The following DERA variants were observed in gnomAD, a reference collection of about 807,000 sequenced individuals.
DERA encodes the protein 2-deoxy-D-ribose 5-phosphate aldolase.
In DERA, 15 loss-of-function variants were observed where a neutral mutation model predicts 41.1. That is an observed-to-expected ratio of 0.37 (90% CI 0.24 to 0.56). The LOEUF is 0.56. Ranked by LOEUF, DERA falls within the 20% of genes least tolerant of loss-of-function variation. DERA has a pLI of 0.81. For missense variants in DERA, 396 were observed against 403.4 expected, an observed-to-expected ratio of 0.98 and a Z score of 0.16; for synonymous variants, 139 against 137.4, an observed-to-expected ratio of 1.01 and a Z score of -0.08.
rs1948733413 is a variant in DERA at position 15,981,617 on chromosome 12, GAAAT to G, written c.509-686_509-683del. On this transcript the variant is annotated intron_variant, in intron 5 of 8. Transcript: ENST00000428559. The surrounding 1 kb of genome is among the most constrained non-coding windows in gnomAD (Gnocchi z 6.1). ...AAATGTTACCTTGAATATGAAATAT[GAAAT>G]AAATCTGGGCCCAATGTGGAACCCT... Among the ~76,000 whole-genome samples, 1 of 152,208 alleles carries G rather than the reference GAAAT, an allele frequency of 6.6e-6. No individual in the cohort carries two copies. The highest frequency in any genetic ancestry group is 2.4e-5 in the African/African-American group (1 of 41,456).
chr12:16,036,740 G>T lies in DERA; in HGVS notation c.951G>T (p.Met317Ile), dbSNP rs776421336. ...ATGCAGCTTATCATGATCTTCCAAT[G>T]TCTTAAATCAGTCACCAGTTCCAGA... ...GRYAAYHDLP[M>I]S Residue 317 changes from methionine (M) to isoleucine (I), a missense_variant, in exon 9 of 9, where the codon ATG (methionine) becomes ATT (isoleucine). Physicochemically the swap from Met to Ile is conservative, Grantham distance 10 (BLOSUM62 1). Transcript: ENST00000428559. The surrounding 1 kb of genome is among the most constrained non-coding windows in gnomAD (Gnocchi z 4.9). 6.3e-7 allele frequency: 1 copy of T among 1,592,080 alleles called. No individual in the cohort carries two copies. The highest frequency in any genetic ancestry group is 8.5e-7 in the Non-Finnish European group (1 of 1,172,310).
intron 1 of DERA, among the ~76,000 whole-genome samples, chr12:15,945,705 G>T (rs1057421051): frequency 6.6e-6 from 1 of 152,108 alleles, no homozygotes; most frequent in Admixed American, 6.5e-5. Context: ...TTTTCTAATT[G>T]AATACCCTTT....
At chr12:15,979,427 C>T (rs1948718840) in intron 5 of DERA, among the ~76,000 whole-genome samples, 2 of 152,232 alleles carry the variant, frequency 1.3e-5, no homozygotes, top group South Asian at 2.1e-4. Context: ...ACTATTCTTT[C>T]ATCTTTGCCT....
At chr12:15,953,832 T>A (rs558510106) in intron 1 of DERA, among the ~76,000 whole-genome samples, 93 of 152,306 alleles carry the variant, frequency 6.1e-4, no homozygotes, top group Non-Finnish European at 1.2e-3. Flanking sequence ...CATGGGTTAT[T>A]TGATGAAATT....
chr12:16,015,888 T>A (rs573796365), intron 6 of DERA, among the ~76,000 whole-genome samples: 1 of 152,384 alleles, frequency 6.6e-6, no homozygotes, highest in Non-Finnish European at 1.5e-5. Flanking sequence ...TAGGCAATTT[T>A]TTTTCCTCCT....
At position 16,026,746 on chromosome 12, in the gene DERA, A is replaced by G. The variant is rs1435097064; in HGVS notation, c.638-5796A>G. ...ATTCTGCCAAACATTTAAGGAAGATATAATACCAGTCTTCTACAATCTCTT... is the reference window on the plus strand; with the variant it reads ...ATTCTGCCAAACATTTAAGGAAGATGTAATACCAGTCTTCTACAATCTCTT... On this transcript the variant is annotated intron_variant, in intron 6 of 8. Transcript: ENST00000428559. The surrounding 1 kb of genome is among the most constrained non-coding windows in gnomAD (Gnocchi z 4.4). Among the ~76,000 whole-genome samples, 1 of 152,084 alleles carries G rather than the reference A, an allele frequency of 6.6e-6. No homozygotes were observed. Among genetic ancestry groups the G allele is most frequent in the Non-Finnish European group, 1.5e-5 (1 of 67,994 alleles).
In DERA at chr12:16,022,000, ACTGT is replaced by A. The variant is rs1485535024; in HGVS notation, c.638-10541_638-10538del. 5.3e-5 allele frequency among the ~76,000 whole-genome samples: 8 copies of A among 152,204 alleles called. No individual in the cohort carries two copies. Among genetic ancestry groups the A allele is most frequent in the African/African-American group, 1.9e-4 (8 of 41,448 alleles). On this transcript the variant is annotated intron_variant, in intron 6 of 8. Transcript: ENST00000428559. This position sits in a 1 kb window ranked among gnomAD's most constrained non-coding sequence, Gnocchi z 5.3. ...TTTGCAGAACTGTTGACAGGGTATT[ACTGT>A]GTTTTGCAATGTGAAAAGGACATGA...
chr12:15,983,497 C>T lies in DERA; in HGVS notation c.637+1061C>T, dbSNP rs963191079. Among the ~76,000 whole-genome samples, 1 of 152,154 alleles carries T rather than the reference C, an allele frequency of 6.6e-6. No individual in the cohort carries two copies. Among genetic ancestry groups the T allele is most frequent in the African/African-American group, 2.4e-5 (1 of 41,432 alleles). ...ATCTTGGGGTTCAGCACAGGTACCA[C>T]CTTTTTCAGGAATTATTTCCCCTGA... is the stretch of plus-strand genomic sequence containing the variant. On this transcript the variant is annotated intron_variant, in intron 6 of 8. Transcript: ENST00000428559. This position sits in a 1 kb window ranked among gnomAD's most constrained non-coding sequence, Gnocchi z 6.2.
At chr12:15,975,033 T>C (rs992833628) in intron 5 of DERA, among the ~76,000 whole-genome samples, 3 of 152,308 alleles carry the variant, frequency 2.0e-5, no homozygotes, top group South Asian at 4.1e-4. Context: ...GATTTGGCCA[T>C]TGGGAGTGTA....
chr12:15,968,549 C>T (rs1253578733), intron 5 of DERA, among the ~76,000 whole-genome samples: 2 of 152,208 alleles, frequency 1.3e-5, no homozygotes, highest in Admixed American at 1.3e-4. Flanking sequence ...GAAGGGAGGA[C>T]AGTACTGGGA....
rs952523298 is a variant in DERA, at chr12:16,017,790, C to T, written c.638-14752C>T. 2.0e-5 allele frequency among the ~76,000 whole-genome samples: 3 copies of T among 152,170 alleles called. No individual in the cohort carries two copies. The highest frequency in any genetic ancestry group is 2.9e-5 in the Non-Finnish European group (2 of 68,026). On this transcript the variant is annotated intron_variant, in intron 6 of 8. Transcript: ENST00000428559. The surrounding 1 kb of genome is among the most constrained non-coding windows in gnomAD (Gnocchi z 5.5). Reference sequence around the variant, plus strand: ...ACGAAACTCTCTTTCTAACTTTAATCGGTAATTTCTCAGCAATAGAAAACA... The same window carrying T: ...ACGAAACTCTCTTTCTAACTTTAATTGGTAATTTCTCAGCAATAGAAAACA...
rs1489036758 is a variant in DERA, at chr12:15,924,992, G to T, written c.31+13578G>T. Among the ~76,000 whole-genome samples the T allele has an allele frequency of 6.6e-6, 1 of 152,202 alleles. No individual in the cohort carries two copies. The highest frequency in any genetic ancestry group is 1.5e-5 in the Non-Finnish European group (1 of 68,040). On this transcript the variant is annotated intron_variant, in intron 1 of 8. Transcript: ENST00000428559. This position sits in a 1 kb window ranked among gnomAD's most constrained non-coding sequence, Gnocchi z 5.0. ...AATGTGAAGACTTGTTTTCATCAGT[G>T]TTTGTTGAATGAATAAGGAAGCATT... is the stretch of plus-strand genomic sequence containing the variant.
chr12:15,949,618 A>G (rs1305526754), intron 1 of DERA, among the ~76,000 whole-genome samples: 1 of 152,090 alleles, frequency 6.6e-6, no homozygotes, highest in African/African-American at 2.4e-5. Context: ...TTGGCTAGGG[A>G]GGGGAATTCC....
intron 1 of DERA, among the ~76,000 whole-genome samples, chr12:15,933,848 C>T (rs1157351390): frequency 6.6e-6 from 1 of 152,156 alleles, no homozygotes; most frequent in Non-Finnish European, 1.5e-5. Context: ...AGAGTTGGAG[C>T]TGGAATCCAG....
At chr12:15,945,935 C>G (rs1445947220) in intron 1 of DERA, among the ~76,000 whole-genome samples, 1 of 152,166 alleles carries the variant, frequency 6.6e-6, no homozygotes, top group Non-Finnish European at 1.5e-5. Context: ...GAATTTTTAG[C>G]AAGAAGGGCT....
Position 15,967,032 on chromosome 12 carries a change from C to A in DERA, c.508+4085C>A, listed in dbSNP as rs772883122. On this transcript the variant is annotated intron_variant, in intron 5 of 8. Transcript: ENST00000428559. This position sits in a 1 kb window ranked among gnomAD's most constrained non-coding sequence, Gnocchi z 4.9. ...AAATATCACTGACCCTTGACAAAATCAGAGAAATATAGCTATTTTGGAAAT... is the reference window on the plus strand; with the variant it reads ...AAATATCACTGACCCTTGACAAAATAAGAGAAATATAGCTATTTTGGAAAT... Among the ~76,000 whole-genome samples the A allele has an allele frequency of 1.3e-4, 20 of 152,010 alleles. No homozygotes were observed. The highest frequency in any genetic ancestry group is 7.4e-5 in the Non-Finnish European group (5 of 68,016).
At chr12:15,973,298 A>G (rs1592028203) in intron 5 of DERA, among the ~76,000 whole-genome samples, 2 of 152,156 alleles carry the variant, frequency 1.3e-5, no homozygotes, top group Non-Finnish European at 2.9e-5. Context: ...ACATTTATTA[A>G]TAGGTTTTTA....
chr12:16,022,088 A>T (rs1339312939), intron 6 of DERA, among the ~76,000 whole-genome samples: 1 of 152,236 alleles, frequency 6.6e-6, no homozygotes, highest in Non-Finnish European at 1.5e-5. Flanking sequence ...TCCCAATCTC[A>T]TGTTAAAATG....
intron 5 of DERA, among the ~76,000 whole-genome samples, chr12:15,979,750 G>A (rs1032444515): frequency 2.6e-5 from 4 of 152,218 alleles, no homozygotes; most frequent in African/African-American, 9.6e-5. Context: ...ACCACTTGCA[G>A]TTCATTCTGT....
Sources: allele counts gnomAD v4.1 joint callset (sites outside exome capture counted in the v4.1 genomes callset), GRCh38; gene constraint gnomAD v4.1.1; non-coding constraint Gnocchi (gnomAD v3.1); transcripts MANE v1.5; gene names NCBI Gene and HGNC (gene_info 2026-07-23, HGNC 2026-07-21).